Variants in ENPEP observed in about 807,000 individuals in gnomAD.
ENPEP encodes the protein glutamyl aminopeptidase.
Under a neutral mutation model 114.5 loss-of-function variants are expected in ENPEP, and 103 were observed. The observed-to-expected ratio is 0.90, with a 90% CI of 0.77 to 1.06. ENPEP has a LOEUF of 1.06. Among genes scored for constraint, ENPEP ranks in the 50% least tolerant of loss-of-function variants. ENPEP has a pLI of 0.00. For synonymous variants in ENPEP, 420 were observed against 422.0 expected (o/e 1.00, Z 0.06); for missense variants, 1,196 against 1,161.3 (o/e 1.03, Z -0.43).
chr4:110,560,039 C>A (rs186638121), intron 19 of ENPEP, among the ~76,000 whole-genome samples: 2 of 152,074 alleles, frequency 1.3e-5, no homozygotes, highest in East Asian at 3.9e-4. Flanking sequence ...AGAGAACATG[C>A]GGTGTTTGGT....
intron 10 of ENPEP, among the ~76,000 whole-genome samples, chr4:110,521,771 T>A (rs182711221): frequency 1.3e-5 from 2 of 152,128 alleles, no homozygotes; most frequent in Admixed American, 6.6e-5. Flanking sequence ...AAAAATAAAT[T>A]TGGCAAATCC....
chr4:110,498,679 G>A (rs1025501892), intron 3 of ENPEP, among the ~76,000 whole-genome samples: 2 of 152,168 alleles, frequency 1.3e-5, no homozygotes, highest in African/African-American at 4.8e-5. Context: ...ATCATGCAGG[G>A]CCCTGCCTGG....
At position 110,549,498 on chromosome 4, in the gene ENPEP, C is replaced by T. The variant is rs145051534; in HGVS notation, c.2226-30C>T. 3.2e-5 allele frequency: 51 copies of T among 1,612,454 alleles called. No homozygotes were observed. In the African/African-American group the frequency reaches 4.5e-4, roughly 14 times the overall value. Reference sequence around the variant, plus strand: ...AAGACTTGTTGAAAAGTGCTTAAGGCCCTGGATTTGTGTTTGTTTGTTTTT... The same window carrying T: ...AAGACTTGTTGAAAAGTGCTTAAGGTCCTGGATTTGTGTTTGTTTGTTTTT... On this transcript the variant is annotated intron_variant, in intron 15 of 19. Transcript: ENST00000265162.
chr4:110,485,439 C>CCT (rs907857733), intron 1 of ENPEP, among the ~76,000 whole-genome samples: 4 of 152,162 alleles, frequency 2.6e-5, no homozygotes, highest in African/African-American at 9.7e-5. Flanking sequence ...ATGGAAACAT[C>CCT]CTCTCCCTTT....
At position 110,520,341 on chromosome 4, in the gene ENPEP, C is replaced by A; in HGVS notation, c.1702C>A (p.Pro568Thr). Residue 568 changes from proline (P) to threonine (T), a missense_variant, in exon 10 of 20, where the codon CCT (proline) becomes ACT (threonine). By Grantham distance (38) the Pro-to-Thr change is conservative. Coordinates refer to ENST00000265162, the MANE Select transcript of ENPEP (RefSeq NM_001977.4). The stretch of plus-strand genomic sequence containing the variant: ...CTTTTTGTTGGACCCAAGAGCTAAC[C>A]CTTCTCAGCCCCCTTCAGATCTTGG... ...KRFLLDPRAN[P>T]SQPPSDLGYT... 1.2e-6 allele frequency: 2 copies of A among 1,613,954 alleles called. No individual in the cohort carries two copies. Among genetic ancestry groups the A allele is most frequent in the Non-Finnish European group, 1.7e-6 (2 of 1,179,930 alleles).
chr4:110,500,287 A>C (rs557888844), intron 3 of ENPEP: 58 of 152,314 alleles, frequency 3.8e-4, no homozygotes, highest in African/African-American at 1.3e-3. Flanking sequence ...CTCCAATATG[A>C]TAAGGGAAAA....
intron 1 of ENPEP, among the ~76,000 whole-genome samples, chr4:110,486,538 CT>C (rs906260968): frequency 3.4e-4 from 51 of 152,168 alleles, no homozygotes; most frequent in African/African-American, 1.2e-3. Flanking sequence ...ACTTGCCTGG[CT>C]TTTTCTCATT....
At position 110,489,429 on chromosome 4, in the gene ENPEP, C is replaced by T. The variant is rs577980380; in HGVS notation, c.786+747C>T. On this transcript the variant is annotated intron_variant, in intron 2 of 19. Coordinates refer to ENST00000265162, the MANE Select transcript of ENPEP (RefSeq NM_001977.4). ...GTCAAGGGGTGGGGGGCTAGGGGAG[C>T]GACAGCATTTGGAGAAATACCTAAC... Among the ~76,000 whole-genome samples the T allele has an allele frequency of 3.4e-4, 51 of 152,062 alleles. 1 individual carries two copies. The South Asian group carries it at 9.6e-3, about 28-fold the overall frequency.
Position 110,476,632 on chromosome 4 carries a change from A to G in ENPEP, c.218A>G (p.Gln73Arg). The change falls in exon 1 of 20, where the codon CAG becomes CGG. Residue 73 changes from glutamine (Q) to arginine (R), a missense_variant. Gln to Arg is a conservative substitution (Grantham distance 43). Coordinates refer to ENST00000265162, the MANE Select transcript of ENPEP (RefSeq NM_001977.4). ...STASPSGPPAQDQDICPASED... is the reference protein window; with the variant it reads ...STASPSGPPARDQDICPASED... ...GCCAGCCCCTCAGGTCCTCCTGCCC[A>G]GGACCAGGACATCTGCCCGGCCAGT... The G allele has an allele frequency of 6.2e-7, 1 of 1,614,114 alleles. No individual in the cohort carries two copies. Among genetic ancestry groups the G allele is most frequent in the Non-Finnish European group, 8.5e-7 (1 of 1,180,024 alleles).
At chr4:110,483,141 G>GA (rs559473450) in intron 1 of ENPEP, among the ~76,000 whole-genome samples, 301 of 148,672 alleles carry the variant, frequency 2.0e-3, no homozygotes, top group African/African-American at 6.9e-3. Flanking sequence ...CTTCTACATA[G>GA]AAAAAAAAAA....
chr4:110,516,717 A>G (rs1249058320), intron 8 of ENPEP, among the ~76,000 whole-genome samples: 1 of 152,218 alleles, frequency 6.6e-6, no homozygotes, highest in Non-Finnish European at 1.5e-5. Context: ...ATAGTGAAAC[A>G]TCTAGGTGAT....
chr4:110,540,935 T>G (rs868796046), intron 11 of ENPEP, among the ~76,000 whole-genome samples: 11 of 152,174 alleles, frequency 7.2e-5, no homozygotes, highest in Middle Eastern at 3.2e-3. Flanking sequence ...TCAAGTGATC[T>G]GGCCAAGGTC....
chr4:110,531,304 T>C lies in ENPEP; in HGVS notation c.1807+27T>C, dbSNP rs1485598793. 3 of 1,384,874 alleles carry C rather than the reference T, an allele frequency of 2.2e-6. No homozygotes were observed. In the South Asian group the frequency reaches 4.7e-5, roughly 22 times the overall value. 85.8% of individuals were successfully genotyped at this position (1,384,874 alleles called of 1,614,324 possible). A position where few individuals can be genotyped will look rare whatever the true frequency, so the allele number is the denominator to read the frequency against. Reference sequence around the variant, plus strand: ...TAAATATTATTAATTGATTTATTTCTTCTTTGAATTGATGTACCACATTAA... The same window carrying C: ...TAAATATTATTAATTGATTTATTTCCTCTTTGAATTGATGTACCACATTAA... On this transcript the variant is annotated intron_variant, in intron 11 of 19. Transcript: ENST00000265162.
intron 10 of ENPEP, among the ~76,000 whole-genome samples, chr4:110,522,571 C>A (rs1004531635): frequency 6.6e-6 from 1 of 152,108 alleles, no homozygotes; most frequent in Non-Finnish European, 1.5e-5. Flanking sequence ...GATTAACAGA[C>A]CCCACTTAGT....
At chr4:110,532,291 C>A (rs1475201391) in intron 11 of ENPEP, among the ~76,000 whole-genome samples, 1 of 152,200 alleles carries the variant, frequency 6.6e-6, no homozygotes, top group African/African-American at 2.4e-5. Context: ...CAGCCCTAAG[C>A]AACCACTAAT....
At chr4:110,545,149 C>A (rs1439892328) in intron 13 of ENPEP, among the ~76,000 whole-genome samples, 1 of 151,988 alleles carries the variant, frequency 6.6e-6, no homozygotes, top group Non-Finnish European at 1.5e-5. Flanking sequence ...AATAGGTGAG[C>A]AACTGTGGCA....
chr4:110,561,488 A>G lies in ENPEP; in HGVS notation c.2804A>G (p.Asn935Ser), dbSNP rs768353337. The G allele has an allele frequency of 1.2e-6, 2 of 1,613,984 alleles. No homozygotes were observed. The highest frequency in any genetic ancestry group is 1.7e-6 in the Non-Finnish European group (2 of 1,179,970). Residue 935 changes from asparagine (N) to serine (S), a missense_variant, in exon 20 of 20, where the codon AAT becomes AGT. Asn to Ser is a conservative substitution (Grantham distance 46). Transcript: ENST00000265162. ...REQVLETVKN[N>S]IEWLKQHRNT... The stretch of plus-strand genomic sequence containing the variant: ...CAAGTGCTGGAAACAGTGAAAAACA[A>G]TATAGAGTGGCTAAAACAACATAGA...
At chr4:110,479,250 C>T (rs755913386) in intron 1 of ENPEP, among the ~76,000 whole-genome samples, 3 of 152,040 alleles carry the variant, frequency 2.0e-5, no homozygotes, top group African/African-American at 4.8e-5. Context: ...ACAAATGATT[C>T]GATGGATACA....
chr4:110,517,929 C>T (rs554365407), intron 8 of ENPEP, among the ~76,000 whole-genome samples: 1 of 152,166 alleles, frequency 6.6e-6, no homozygotes, highest in African/African-American at 2.4e-5. Flanking sequence ...CCAACAATAT[C>T]CTCCTTGAGT....
Sources: gnomAD v4.1 joint callset for allele counts (sites outside exome capture counted in the v4.1 genomes callset) on GRCh38, gnomAD v4.1.1 for gene constraint, MANE v1.5 for transcripts, NCBI Gene and HGNC (gene_info 2026-07-23, HGNC 2026-07-21) for gene names.